The following FBN3 variants were observed in gnomAD, a reference collection of about 807,000 sequenced individuals.
FBN3 encodes the protein fibrillin 3.
In FBN3, 234 loss-of-function variants were observed where a neutral mutation model predicts 330.1. The ratio of observed to expected loss-of-function variants is 0.71; its 90% confidence interval spans 0.64 to 0.79. The LOEUF is 0.79. Ranked by LOEUF, FBN3 falls within the 30% of genes least tolerant of loss-of-function variation. The pLI is 0.00. For synonymous variants in FBN3, 1,458 were observed against 1,517.3 expected (o/e 0.96, Z 0.91); for missense variants, 3,606 against 3,886.9 (o/e 0.93, Z 1.92).
rs756059851 is a variant in FBN3 at position 8,096,862 on chromosome 19, T to G, written c.5413+19A>C. On this transcript the variant is annotated intron_variant, in intron 43 of 63. Transcript: ENST00000600128. This position sits in a 1 kb window ranked among gnomAD's most constrained non-coding sequence, Gnocchi z 4.6. The stretch of plus-strand genomic sequence containing the variant: ...GACAGAGCCCAGCTCCCTCACCTCC[T>G]CCCAGGGACCCTGCTCACCCACACA... 5 of 1,610,782 alleles carry G rather than the reference T, an allele frequency of 3.1e-6. No individual in the cohort carries two copies. Among genetic ancestry groups the G allele is most frequent in the Non-Finnish European group, 4.2e-6 (5 of 1,179,454 alleles).
At chr19:8,139,074 C>A (rs536372940) in intron 8 of FBN3, among the ~76,000 whole-genome samples, 1 of 149,242 alleles carries the variant, frequency 6.7e-6, no homozygotes, top group Non-Finnish European at 1.5e-5. Flanking sequence ...AAGGGCCGGG[C>A]GCAGTGGCTC....
rs151307628 is a variant in FBN3 at position 8,136,453 on chromosome 19, G to A, written c.1280C>T (p.Thr427Met). The A allele has an allele frequency of 2.3e-5, 37 of 1,614,212 alleles. No homozygotes were observed. Among genetic ancestry groups the A allele is most frequent in the Admixed American group, 1.5e-4 (9 of 60,024 alleles). The change falls in exon 11 of 64, where the codon ACG becomes ATG. Residue 427 changes from threonine to methionine, a missense_variant. Coordinates refer to ENST00000600128, the MANE Select transcript of FBN3 (RefSeq NM_032447.5). ...NLCLNGRCLP[T>M]PSSYRCECNV... ...ACACTCGCAGCGGTAGCTGGAAGGC[G>A]TGGGCAGGCAGCGGCCATTCAGACA... is the stretch of plus-strand genomic sequence containing the variant.
chr19:8,083,422 C>T (rs1228625124), intron 56 of FBN3, 50 bp from the exon 57 acceptor site: 19 of 1,605,598 alleles, frequency 1.2e-5, no homozygotes, highest in Non-Finnish European at 1.6e-5. Flanking sequence ...TTCGCGCCTC[C>T]ACCGAGGAAT....
At chr19:8,103,266 CA>C (rs71165275) in intron 39 of FBN3, among the ~76,000 whole-genome samples, 15,871 of 107,758 alleles carry the variant, frequency 0.15, 3,206 homozygotes, top group African/African-American at 0.48. Context: ...GACTCTATCT[CA>C]AAAAAAAAAA....
Position 8,116,699 on chromosome 19 carries a change from G to A in FBN3, c.3687C>T (p.Ala1229=). Residue 1229 remains alanine, a synonymous_variant, in exon 29 of 64, where the codon GCC becomes GCT. Transcript: ENST00000600128. ...HRCLCYDGFM[A]TPDMRTCVDV... Reference sequence around the variant, plus strand: ...CAACACATGTCCTCATGTCTGGCGTGGCCATGAAGCCATCATAGCACAGGC... The same window carrying A: ...CAACACATGTCCTCATGTCTGGCGTAGCCATGAAGCCATCATAGCACAGGC... 6.2e-7 allele frequency: 1 copy of A among 1,613,842 alleles called. No individual in the cohort carries two copies. Among genetic ancestry groups the A allele is most frequent in the Non-Finnish European group, 8.5e-7 (1 of 1,179,860 alleles).
At chr19:8,085,819 G>A (rs571093981) in intron 55 of FBN3, among the ~76,000 whole-genome samples, 12 of 151,992 alleles carry the variant, frequency 7.9e-5, no homozygotes, top group African/African-American at 2.7e-4. Flanking sequence ...TGGAGGGAGC[G>A]TCCCGCTCTT....
chr19:8,132,113 A>G (rs2083163137), intron 14 of FBN3, among the ~76,000 whole-genome samples: 1 of 151,952 alleles, frequency 6.6e-6, no homozygotes, highest in South Asian at 2.1e-4. Context: ...TGGCGTGATC[A>G]TAGCTCACTG....
chr19:8,117,436 A>T, intron 27 of FBN3, 28 bp downstream of exon 27: 8 of 1,558,580 alleles, frequency 5.1e-6, no homozygotes, highest in Non-Finnish European at 7.0e-6. Context: ...GTTGGTGCCC[A>T]GGGGCCAGCA....
At chr19:8,098,918 G>A (rs1487962669) in intron 41 of FBN3, among the ~76,000 whole-genome samples, 1 of 152,136 alleles carries the variant, frequency 6.6e-6, no homozygotes, top group African/African-American at 2.4e-5. Flanking sequence ...TGGGGGACTG[G>A]AAATTACCTA....
intron 63 of FBN3, among the ~76,000 whole-genome samples, chr19:8,068,964 A>G (rs1229302704): frequency 6.6e-6 from 1 of 152,152 alleles, no homozygotes; most frequent in Non-Finnish European, 1.5e-5. Context: ...TTGCTCTCAG[A>G]GACCCAGCAG....
intron 8 of FBN3, among the ~76,000 whole-genome samples, chr19:8,140,241 A>G (rs1294040561): frequency 6.6e-6 from 1 of 152,218 alleles, no homozygotes; most frequent in Non-Finnish European, 1.5e-5. Flanking sequence ...AGGCGGGTGG[A>G]TCACCTGAGG....
chr19:8,122,258 C>T (rs1469482169), intron 24 of FBN3, among the ~76,000 whole-genome samples: 1 of 152,220 alleles, frequency 6.6e-6, no homozygotes, highest in Non-Finnish European at 1.5e-5. Flanking sequence ...TCAAGCAATC[C>T]TCCCACCTTG....
rs757160278 is a variant in FBN3 at position 8,141,862 on chromosome 19, C to T, written c.740-20G>A. 5.6e-6 allele frequency: 9 copies of T among 1,613,300 alleles called. No individual in the cohort carries two copies. The highest frequency in any genetic ancestry group is 5.5e-5 in the South Asian group (5 of 91,044). On this transcript the variant is annotated intron_variant, in intron 7 of 63. Transcript: ENST00000600128. ...CCACATCTGCAAGGACAAAGCCCGG[C>T]AGGGGAGTGAGAGGCCCATCGGAGG...
At chr19:8,115,306 A>C (rs2082681152) in intron 30 of FBN3, among the ~76,000 whole-genome samples, 1 of 152,210 alleles carries the variant, frequency 6.6e-6, no homozygotes, top group African/African-American at 2.4e-5. Flanking sequence ...TGCTGCAGAC[A>C]CTTGGGGCTT....
In FBN3 at chr19:8,126,488, G is replaced by A. The variant is rs780706693; in HGVS notation, c.2534C>T (p.Pro845Leu). Residue 845 changes from proline to leucine, a missense_variant, in exon 20 of 64, where the codon CCC (proline) becomes CTC (leucine). By Grantham distance (98) the Pro-to-Leu change is moderately conservative. Transcript: ENST00000600128. Reference sequence around the variant, plus strand: ...ACTACCGATCTCGCAGCGTTCGCAGGGGCTCCCCCAGGCTGCCCCGAGGGT... The same window carrying A: ...ACTACCGATCTCGCAGCGTTCGCAGAGGCTCCCCCAGGCTGCCCCGAGGGT... ...CATLGAAWGS[P>L]CERCEIDPAC... 8 of 1,612,980 alleles carry A rather than the reference G, an allele frequency of 5.0e-6. No individual in the cohort carries two copies. In the African/African-American group the frequency reaches 5.3e-5, roughly 11 times the overall value.
chr19:8,147,311 C>A lies in FBN3; in HGVS notation c.167+3G>T. 1 of 1,593,082 alleles carries A rather than the reference C, an allele frequency of 6.3e-7. No individual in the cohort carries two copies. Among genetic ancestry groups the A allele is most frequent in the Non-Finnish European group, 8.5e-7 (1 of 1,171,634 alleles). On this transcript the variant is annotated splice_donor_region_variant and intron_variant, in intron 2 of 63. Coordinates refer to ENST00000600128, the MANE Select transcript of FBN3 (RefSeq NM_032447.5). ...GTCTCCCAGCATCCCAGGTACCACG[C>A]ACCCCTGCAAGATGCCTGGGCTGCC...
chr19:8,072,312 C>T, intron 62 of FBN3, 114 bp from the exon 63 acceptor site: 1 of 1,105,294 alleles, frequency 9.0e-7, no homozygotes, highest in Non-Finnish European at 1.3e-6. Flanking sequence ...TGCCCACGCA[C>T]ACAAATGCCT....
At position 8,103,704 on chromosome 19, in the gene FBN3, G is replaced by A; in HGVS notation, c.4814-17C>T. 6.2e-7 allele frequency: 1 copy of A among 1,611,092 alleles called. No homozygotes were observed. Among genetic ancestry groups the A allele is most frequent in the Non-Finnish European group, 8.5e-7 (1 of 1,178,228 alleles). ...CGTCAATATCTGCAGGGAAAGAAGG[G>A]GTGGAGGGGAACAGTGGGCAGCGTC... On this transcript the variant is annotated splice_polypyrimidine_tract_variant and intron_variant, in intron 38 of 63. Transcript: ENST00000600128.
chr19:8,145,578 G>C (rs924854353), intron 5 of FBN3, among the ~76,000 whole-genome samples: 18 of 151,246 alleles, frequency 1.2e-4, no homozygotes, highest in African/African-American at 1.5e-4. Flanking sequence ...CTACTCGGGA[G>C]GCTGAGGCAG....
Sources: gnomAD v4.1 joint callset for allele counts (sites outside exome capture counted in the v4.1 genomes callset) on GRCh38, gnomAD v4.1.1 for gene constraint, Gnocchi (gnomAD v3.1) non-coding constraint, MANE v1.5 for transcripts, NCBI Gene and HGNC (gene_info 2026-07-23, HGNC 2026-07-21) for gene names.